The following STK3 variants were observed in gnomAD, a reference collection of about 807,000 sequenced individuals.
STK3 encodes serine/threonine-protein kinase 3.
STK3 carries 41 observed loss-of-function variants against 58.0 expected under a neutral mutation model. The ratio of observed to expected loss-of-function variants is 0.71; its 90% CI spans 0.55 to 0.92. The LOEUF (loss-of-function observed/expected upper bound fraction) is 0.92, where lower values mean the gene tolerates loss of function less well. Ranked by LOEUF, STK3 falls within the 40% of genes least tolerant of loss-of-function variation. STK3 has a pLI of 0.00. For missense variants in STK3, 479 were observed against 602.7 expected (o/e 0.79, Z 2.15); for synonymous variants, 170 against 191.0 (o/e 0.89, Z 0.91).
At chr8:98,874,959 A>C (rs1487796384) in intron 3 of STK3, among the ~76,000 whole-genome samples, 1 of 152,200 alleles carries the variant, frequency 6.6e-6, no homozygotes, top group Non-Finnish European at 1.5e-5. Flanking sequence ...CAGTAAATTA[A>C]AAATACAAGT....
At chr8:98,545,865 G>A (rs1048128274) in intron 9 of STK3, among the ~76,000 whole-genome samples, 1 of 152,064 alleles carries the variant, frequency 6.6e-6, no homozygotes, top group Non-Finnish European at 1.5e-5. Flanking sequence ...TTTAGATCAC[G>A]AGAAAAACAA....
chr8:98,656,593 T>C (rs1034282557), intron 6 of STK3, among the ~76,000 whole-genome samples: 4 of 152,170 alleles, frequency 2.6e-5, no homozygotes, highest in African/African-American at 7.2e-5. Context: ...TAATTTTCCT[T>C]CTTCAATTTG....
intron 1 of STK3, among the ~76,000 whole-genome samples, chr8:98,805,609 T>G (rs1833847879): frequency 6.6e-6 from 1 of 151,654 alleles, no homozygotes; most frequent in South Asian, 2.1e-4. Flanking sequence ...ATAATAACTG[T>G]AATATAAAAA....
At chr8:98,487,144 T>C (rs912618521) in intron 10 of STK3, among the ~76,000 whole-genome samples, 6 of 152,202 alleles carry the variant, frequency 3.9e-5, no homozygotes, top group East Asian at 1.9e-4. Context: ...TAATATGATA[T>C]AGATTTTATC....
In STK3 at chr8:98,738,977, T is replaced by A. The variant is rs528230441; in HGVS notation, c.351+10299A>T. Among the ~76,000 whole-genome samples, 110 of 151,882 alleles carry A rather than the reference T, an allele frequency of 7.2e-4. 1 individual carries two copies. The highest frequency in any genetic ancestry group is 1.1e-3 in the Non-Finnish European group (78 of 67,970). ...CTCGGAGGGTCCTACGCCCAAGGAG[T>A]CTCACTGATTGCTAGCACAGCAGTC... On this transcript the variant is annotated intron_variant, in intron 4 of 10. Transcript: ENST00000419617.
intron 1 of STK3, among the ~76,000 whole-genome samples, chr8:98,805,881 C>A (rs1038676576): frequency 6.6e-6 from 1 of 152,084 alleles, no homozygotes; most frequent in African/African-American, 2.4e-5. Context: ...CTTAAAGACA[C>A]AATCAAAAAT....
At chr8:98,387,232 A>C (rs537455325) in intron 1 of STK3, among the ~76,000 whole-genome samples, 1 of 152,334 alleles carries the variant, frequency 6.6e-6, no homozygotes, top group South Asian at 2.1e-4. Flanking sequence ...TGTTAATAAT[A>C]ATGTTTCTAT....
chr8:98,937,339 T>C (rs1840234285), intron 1 of STK3, among the ~76,000 whole-genome samples: 1 of 152,226 alleles, frequency 6.6e-6, no homozygotes. Context: ...ATAACATCAT[T>C]ATAAAATGTT....
chr8:98,603,832 T>C (rs185231188), intron 6 of STK3, among the ~76,000 whole-genome samples: 4 of 152,020 alleles, frequency 2.6e-5, no homozygotes, highest in African/African-American at 4.8e-5. Flanking sequence ...TGTAGAGAGA[T>C]AGAATGAATA....
At chr8:98,707,416 T>C in intron 4 of STK3, 105 bp from the exon 5 acceptor site, 2 of 865,118 alleles carry the variant, frequency 2.3e-6, no homozygotes, top group Non-Finnish European at 3.4e-6. Context: ...GTGTGTGTGT[T>C]TTTTTTTAAG....
At position 98,834,286 on chromosome 8, in the gene STK3, G is replaced by A. The variant is rs117325755; in HGVS notation, c.110+49361C>T. Among the ~76,000 whole-genome samples, 113 of 152,302 alleles carry A rather than the reference G, an allele frequency of 7.4e-4. 2 individuals carry two copies. In the East Asian group the frequency reaches 0.019, roughly 26 times the overall value. ...ACTTATAACTGCTGCTAACTGGAGT[G>A]CATATTCATGGCAACTTGAATCTGT... On this transcript the variant is annotated intron_variant, in intron 3 of 12. Coordinates refer to the STK3 transcript ENST00000523601.
At chr8:98,795,748 C>T (rs1833118933) in intron 1 of STK3, among the ~76,000 whole-genome samples, 2 of 152,022 alleles carry the variant, frequency 1.3e-5, no homozygotes, top group Admixed American at 1.3e-4. Context: ...CAGTAACGTT[C>T]CAGCTGAGAG....
intron 6 of STK3, among the ~76,000 whole-genome samples, chr8:98,666,910 A>C (rs1822410430): frequency 6.6e-6 from 1 of 152,146 alleles, no homozygotes; most frequent in Non-Finnish European, 1.5e-5. Context: ...CTCTCACAGG[A>C]GTCTCAACAG....
Position 98,866,643 on chromosome 8 carries a change from A to G in STK3, c.110+17004T>C, listed in dbSNP as rs530331238. ...TTAGCTGCTGTAAGTCAGGCTCCCCAGGAAACAGATTCTGAAATGGAGGTC... is the reference window on the plus strand; with the variant it reads ...TTAGCTGCTGTAAGTCAGGCTCCCCGGGAAACAGATTCTGAAATGGAGGTC... On this transcript the variant is annotated intron_variant, in intron 3 of 12. Transcript: ENST00000523601. Among the ~76,000 whole-genome samples the G allele has an allele frequency of 1.4e-4, 22 of 152,328 alleles. 1 individual carries two copies. Among genetic ancestry groups the G allele is most frequent in the African/African-American group, 5.3e-4 (22 of 41,578 alleles).
In STK3 at chr8:98,428,159, T is replaced by A; in HGVS notation, n.483+5968A>T. On this transcript the variant is annotated intron_variant and non_coding_transcript_variant, in intron 3 of 3. Transcript: ENST00000517832. This position sits in a 1 kb window ranked among gnomAD's most constrained non-coding sequence, Gnocchi z 6.7. The stretch of plus-strand genomic sequence containing the variant: ...GCGAGGCCATTCTGGAGCTCTGCGA[T>A]GACTACGACGACGTCCAGCGGGAGT... The A allele has an allele frequency of 1.2e-6, 2 of 1,614,086 alleles. No homozygotes were observed.
At chr8:98,408,699 A>C (rs7839115) in intron 3 of STK3, among the ~76,000 whole-genome samples, 4,626 of 152,360 alleles carry the variant, frequency 0.03, 117 homozygotes, top group South Asian at 0.054. Context: ...AAAAGAATTC[A>C]AAGCCAGAGG....
Position 98,528,278 on chromosome 8 carries a change from T to C in STK3, c.1142-1361A>G, listed in dbSNP as rs1825892931. ...AAAGATGTCATTCTGCTCAGAATCTTTCAATGGCTCTTCATTTTTTATACT... is the reference window on the plus strand; with the variant it reads ...AAAGATGTCATTCTGCTCAGAATCTCTCAATGGCTCTTCATTTTTTATACT... On this transcript the variant is annotated intron_variant, in intron 9 of 10. Transcript: ENST00000419617. Among the ~76,000 whole-genome samples, 3 of 152,196 alleles carry C rather than the reference T, an allele frequency of 2.0e-5. No individual in the cohort carries two copies. In the South Asian group the frequency reaches 6.2e-4, roughly 32 times the overall value.
intron 10 of STK3, among the ~76,000 whole-genome samples, chr8:98,499,116 G>C (rs1563668676): frequency 6.6e-6 from 1 of 152,146 alleles, no homozygotes; most frequent in Non-Finnish European, 1.5e-5. Flanking sequence ...GGGAAAAGAT[G>C]CTACACTGCT....
At chr8:98,525,564 GTAGA>G (rs989416963) in intron 10 of STK3, among the ~76,000 whole-genome samples, 4 of 151,784 alleles carry the variant, frequency 2.6e-5, no homozygotes, top group South Asian at 2.1e-4. Context: ...TTTTAAAAAA[GTAGA>G]TAGGTTAAAA....
Sources: gnomAD v4.1 joint callset for allele counts (sites outside exome capture counted in the v4.1 genomes callset) on GRCh38, gnomAD v4.1.1 for gene constraint, Gnocchi (gnomAD v3.1) non-coding constraint, MANE v1.5 for transcripts, NCBI Gene and HGNC (gene_info 2026-07-23, HGNC 2026-07-21) for gene names.